Variants in ZGPAT observed in about 807,000 individuals in gnomAD.
ZGPAT encodes zinc finger CCCH-type with G patch domain-containing protein.
Under a neutral mutation model 47.9 loss-of-function variants are expected in ZGPAT, and 39 were observed. The observed-to-expected ratio is 0.81, with a 90% CI of 0.63 to 1.06. ZGPAT has a LOEUF of 1.06. Among genes scored for constraint, ZGPAT ranks in the 50% least tolerant of loss-of-function variants. The pLI, the probability that ZGPAT is intolerant of heterozygous loss-of-function variation, is 0.00. For missense variants in ZGPAT, 717 were observed against 681.4 expected, an observed-to-expected ratio of 1.05 and a Z score of -0.58; for synonymous variants, 348 against 292.9, an observed-to-expected ratio of 1.19 and a Z score of -1.92.
Position 63,709,016 on chromosome 20 carries a change from G to A in ZGPAT, c.436G>A (p.Glu146Lys). The A allele has an allele frequency of 3.1e-6, 5 of 1,613,726 alleles. No individual in the cohort carries two copies. The highest frequency in any genetic ancestry group is 4.2e-6 in the Non-Finnish European group (5 of 1,180,020). Reference protein sequence around the residue: ...APYYSSWGTLEYHNAMVVGTE... With the variant: ...APYYSSWGTLKYHNAMVVGTE... ...CTACTACAGCTCCTGGGGCACTCTG[G>A]AGTATCACAACGCCATGGTGGTGGG... Residue 146 changes from glutamate to lysine, a missense_variant, in exon 2 of 7, where the codon GAG becomes AAG. Glu to Lys is a moderately conservative substitution (Grantham distance 56). Transcript: ENST00000355969.
chr20:63,734,563 T>C, intron 4 of ZGPAT, 142 bp from the exon 5 acceptor site: 1 of 1,485,282 alleles, frequency 6.7e-7, no homozygotes, highest in Non-Finnish European at 9.0e-7. Flanking sequence ...GCCCAGGATC[T>C]GAGCTCATTG....
chr20:63,709,142 T>A lies in ZGPAT; in HGVS notation c.562T>A (p.Cys188Ser), dbSNP rs1279133546. Reference protein sequence around the residue: ...KPCPFFLEGKCRFKENCRFSH... With the variant: ...KPCPFFLEGKSRFKENCRFSH... ...GTGCCCGTTCTTCCTGGAGGGAAAGTGCCGCTTTAAGGAGAACTGCAGGTA... is the reference window on the plus strand; with the variant it reads ...GTGCCCGTTCTTCCTGGAGGGAAAGAGCCGCTTTAAGGAGAACTGCAGGTA... Residue 188 changes from cysteine to serine, a missense_variant, in exon 2 of 7, where the codon TGC (cysteine) becomes AGC (serine). Physicochemically the swap from Cys to Ser is moderately radical, Grantham distance 112. Transcript: ENST00000355969. 1 of 1,611,528 alleles carries A rather than the reference T, an allele frequency of 6.2e-7. No individual in the cohort carries two copies. Among genetic ancestry groups the A allele is most frequent in the Non-Finnish European group, 8.5e-7 (1 of 1,180,020 alleles).
At chr20:63,718,540 C>T (rs994044763) in intron 2 of ZGPAT, among the ~76,000 whole-genome samples, 7 of 151,896 alleles carry the variant, frequency 4.6e-5, no homozygotes, top group East Asian at 2.0e-4. Context: ...AGACTGGTCT[C>T]GAATTCCTGA....
intron 2 of ZGPAT, among the ~76,000 whole-genome samples, chr20:63,732,333 G>C (rs1474630245): frequency 1.9e-5 from 1 of 51,792 alleles, no homozygotes; most frequent in Non-Finnish European, 4.2e-5. Flanking sequence ...GTGTGTGCAC[G>C]TGTGTGGGTG....
intron 2 of ZGPAT, among the ~76,000 whole-genome samples, chr20:63,722,851 G>A (rs545636514): frequency 2.0e-5 from 3 of 152,198 alleles, no homozygotes; most frequent in East Asian, 3.9e-4. Flanking sequence ...GGCTGGTCTC[G>A]AACTGCTGAC....
chr20:63,733,054 G>A (rs1034518887), intron 2 of ZGPAT, among the ~76,000 whole-genome samples, 165 bp from the exon 3 acceptor site: 1 of 151,634 alleles, frequency 6.6e-6, no homozygotes, highest in Non-Finnish European at 1.5e-5. Flanking sequence ...GTGTATGTGT[G>A]CGTGTGTATG....
At chr20:63,709,236 G>T in intron 2 of ZGPAT, 72 bp downstream of exon 2, 2 of 1,550,592 alleles carry the variant, frequency 1.3e-6, no homozygotes, top group Non-Finnish European at 1.8e-6. Context: ...GGTCAGGATC[G>T]GCCCTCCCTT....
intron 2 of ZGPAT, among the ~76,000 whole-genome samples, chr20:63,724,570 T>TCATC (rs755024037): frequency 6.6e-6 from 1 of 151,962 alleles, no homozygotes; most frequent in Non-Finnish European, 1.5e-5. Context: ...TTTTTTTGTA[T>TCATC]CATCCATATT....
At chr20:63,712,480 T>C (rs893946204) in intron 2 of ZGPAT, among the ~76,000 whole-genome samples, 1 of 152,234 alleles carries the variant, frequency 6.6e-6, no homozygotes, top group African/African-American at 2.4e-5. Flanking sequence ...TCTGGATCCT[T>C]TGCAATTTCA....
At chr20:63,726,926 C>G (rs1339136078) in intron 2 of ZGPAT, among the ~76,000 whole-genome samples, 3 of 152,148 alleles carry the variant, frequency 2.0e-5, no homozygotes, top group Non-Finnish European at 4.4e-5. Context: ...TGCAACAGCC[C>G]CTCCCCACAA....
chr20:63,729,283 G>T (rs1160584726), intron 2 of ZGPAT, among the ~76,000 whole-genome samples: 2 of 152,160 alleles, frequency 1.3e-5, no homozygotes, highest in Non-Finnish European at 2.9e-5. Flanking sequence ...GCCTACCTCA[G>T]CCTCCCAAAG....
chr20:63,715,757 TA>T (rs1326887627), intron 2 of ZGPAT, among the ~76,000 whole-genome samples: 1 of 151,948 alleles, frequency 6.6e-6, no homozygotes, highest in Non-Finnish European at 1.5e-5. Context: ...TGGGAAGAGG[TA>T]AAAAGGGATT....
At chr20:63,729,655 A>C (rs1374381407) in intron 2 of ZGPAT, among the ~76,000 whole-genome samples, 1 of 152,180 alleles carries the variant, frequency 6.6e-6, no homozygotes. Context: ...CTTGGTTTTC[A>C]GTTAACTTCA....
chr20:63,733,475 G>A, intron 3 of ZGPAT, 112 bp from the exon 4 acceptor site: 1 of 1,600,830 alleles, frequency 6.2e-7, no homozygotes, highest in Non-Finnish European at 8.5e-7. Context: ...GGCCCGAAAT[G>A]AGCACACCTA....
rs569142750 is a variant in ZGPAT at position 63,732,768 on chromosome 20, G to GTA, written c.585-447_585-446dup. Among the ~76,000 whole-genome samples the GTA allele has an allele frequency of 1.7e-3, 262 of 151,462 alleles. 1 individual carries two copies. Among genetic ancestry groups the GTA allele is most frequent in the African/African-American group, 6.0e-3 (248 of 41,054 alleles). ...TGTGTGTGTATGCCTGTGTACGTAT[G>GTA]TATATGCGTGTGTGTATGCATGTGA... On this transcript the variant is annotated intron_variant, in intron 2 of 6. Coordinates refer to ENST00000355969, the MANE Select transcript of ZGPAT (RefSeq NM_181485.3).
intron 2 of ZGPAT, among the ~76,000 whole-genome samples, chr20:63,724,488 C>T (rs2091823187): frequency 6.6e-6 from 1 of 152,012 alleles, no homozygotes; most frequent in African/African-American, 2.4e-5. Context: ...TCAACACCAG[C>T]CTGGGCAACA....
At chr20:63,720,924 T>A (rs1192796308) in intron 2 of ZGPAT, among the ~76,000 whole-genome samples, 2 of 152,216 alleles carry the variant, frequency 1.3e-5, no homozygotes, top group Non-Finnish European at 2.9e-5. Flanking sequence ...GGATTGTCGT[T>A]TCTCGTTTGT....
intron 2 of ZGPAT, among the ~76,000 whole-genome samples, chr20:63,725,396 T>C (rs1288561448): frequency 6.6e-6 from 1 of 152,246 alleles, no homozygotes; most frequent in Non-Finnish European, 1.5e-5. Context: ...GAATTATTAA[T>C]TGATCATTCT....
intron 2 of ZGPAT, among the ~76,000 whole-genome samples, chr20:63,717,332 CTTTTTTT>C (rs1173734420): frequency 2.6e-3 from 161 of 60,970 alleles, no homozygotes; most frequent in South Asian, 4.3e-3. Flanking sequence ...TTTTTCTTTT[CTTTTTTT>C]TTTTTTTTTT....
Sources: gnomAD v4.1 joint callset for allele counts (sites outside exome capture counted in the v4.1 genomes callset) on GRCh38, gnomAD v4.1.1 for gene constraint, MANE v1.5 for transcripts, NCBI Gene and HGNC (gene_info 2026-07-23, HGNC 2026-07-21) for gene names.